Variants in ST6GALNAC3 observed in about 807,000 individuals in gnomAD.
ST6GALNAC3 encodes the protein alpha-N-acetylgalactosaminide alpha-2,6-sialyltransferase 3.
ST6GALNAC3 carries 25 observed loss-of-function variants against 32.7 expected under a neutral mutation model. The observed-to-expected ratio is 0.76, with a 90% CI of 0.56 to 1.07. The LOEUF (loss-of-function observed/expected upper bound fraction) is 1.07. ST6GALNAC3 is among the 50% of genes least tolerant of loss of function. The pLI, the probability that ST6GALNAC3 is intolerant of heterozygous loss-of-function variation, is 0.00. For synonymous variants in ST6GALNAC3, 129 were observed against 133.1 expected (o/e 0.97, Z 0.21); for missense variants, 355 against 382.4 (o/e 0.93, Z 0.60).
chr1:76,350,117 T>A (rs995830779), intron 2 of ST6GALNAC3, among the ~76,000 whole-genome samples: 4 of 152,210 alleles, frequency 2.6e-5, no homozygotes, highest in Non-Finnish European at 4.4e-5. Context: ...ACATTTCTGT[T>A]GGTTTTTTTT....
intron 1 of ST6GALNAC3, among the ~76,000 whole-genome samples, chr1:76,115,110 C>A: frequency 6.6e-6 from 1 of 152,128 alleles, no homozygotes; most frequent in Middle Eastern, 3.4e-3. Flanking sequence ...TGTTGTCTGT[C>A]CTTCAGAATT....
chr1:76,557,062 T>TAG (rs58452867), intron 3 of ST6GALNAC3, among the ~76,000 whole-genome samples: 23,569 of 151,830 alleles, frequency 0.16, 1,920 homozygotes, highest in Middle Eastern at 0.21. Flanking sequence ...GTGAGGAAGG[T>TAG]GTCTAACTTC....
At chr1:76,135,115 C>G (rs1193373004) in intron 1 of ST6GALNAC3, among the ~76,000 whole-genome samples, 1 of 151,660 alleles carries the variant, frequency 6.6e-6, no homozygotes. Flanking sequence ...GAACTCTAGC[C>G]TGGGCAATAG....
chr1:76,106,557 G>A (rs1042822137), intron 1 of ST6GALNAC3, among the ~76,000 whole-genome samples: 5 of 152,196 alleles, frequency 3.3e-5, no homozygotes, highest in African/African-American at 1.2e-4. Flanking sequence ...AATGCTTTGT[G>A]TAGGAATTGG....
At chr1:76,474,365 G>T (rs1323368515) in intron 3 of ST6GALNAC3, among the ~76,000 whole-genome samples, 1 of 152,170 alleles carries the variant, frequency 6.6e-6, no homozygotes, top group Non-Finnish European at 1.5e-5. Flanking sequence ...TGGGAGAGCA[G>T]TAGGTGGCAA....
intron 1 of ST6GALNAC3, among the ~76,000 whole-genome samples, chr1:76,191,401 G>A (rs1382007442): frequency 1.3e-5 from 2 of 152,130 alleles, no homozygotes; most frequent in Non-Finnish European, 2.9e-5. Flanking sequence ...ATGGGGAGAG[G>A]ATGGTCAACA....
intron 1 of ST6GALNAC3, among the ~76,000 whole-genome samples, chr1:76,195,253 C>T (rs765408780): frequency 3.3e-5 from 5 of 152,154 alleles, no homozygotes; most frequent in Non-Finnish European, 7.3e-5. Flanking sequence ...ATATAAATAA[C>T]TTTACTTGGT....
intron 1 of ST6GALNAC3, among the ~76,000 whole-genome samples, chr1:76,180,923 C>T (rs867779514): frequency 8.5e-5 from 13 of 152,344 alleles, no homozygotes; most frequent in Middle Eastern, 3.4e-3. Context: ...AAAGGTGTCA[C>T]GCTGGCCCTC....
At chr1:76,464,766 C>G (rs1272193406) in intron 3 of ST6GALNAC3, among the ~76,000 whole-genome samples, 1 of 152,146 alleles carries the variant, frequency 6.6e-6, no homozygotes, top group Non-Finnish European at 1.5e-5. Context: ...CGAGGTCATT[C>G]TTAATTCCAC....
chr1:76,361,989 A>ATAAT (rs1553184755), intron 2 of ST6GALNAC3, among the ~76,000 whole-genome samples: 4 of 148,090 alleles, frequency 2.7e-5, no homozygotes, highest in Non-Finnish European at 6.0e-5. Context: ...AAAAAAAAAA[A>ATAAT]AAAAGAGAGA....
chr1:76,412,139 TGAA>T lies in ST6GALNAC3; in HGVS notation c.351_353del (p.Glu117del), dbSNP rs774015203. The T allele has an allele frequency of 3.7e-6, 6 of 1,613,760 alleles. No individual in the cohort carries two copies. Among genetic ancestry groups the T allele is most frequent in the Non-Finnish European group, 5.1e-6 (6 of 1,179,816 alleles). ...TGAACAATGCCCCCACCAAAGGTTA[TGAA>T]GAAGATGTCGGCCGCATGACCATGA... On this transcript the variant is annotated inframe_deletion, in exon 3 of 5. Transcript: ENST00000328299.
At chr1:76,418,738 A>G (rs769938396) in intron 3 of ST6GALNAC3, among the ~76,000 whole-genome samples, 1 of 152,090 alleles carries the variant, frequency 6.6e-6, no homozygotes, top group Non-Finnish European at 1.5e-5. Flanking sequence ...GGCAGGAACA[A>G]AAAGTTCATG....
intron 1 of ST6GALNAC3, among the ~76,000 whole-genome samples, chr1:76,115,166 A>G (rs1318939843): frequency 2.0e-5 from 3 of 152,208 alleles, no homozygotes; most frequent in Non-Finnish European, 4.4e-5. Context: ...CTGCTACTAT[A>G]GGATCCCTTG....
chr1:76,429,533 C>T (rs1655611438), intron 3 of ST6GALNAC3, among the ~76,000 whole-genome samples: 1 of 152,100 alleles, frequency 6.6e-6, no homozygotes, highest in Non-Finnish European at 1.5e-5. Flanking sequence ...ATCATCCAGA[C>T]TTTTATTTTT....
chr1:76,614,673 G>A (rs1467330566), intron 3 of ST6GALNAC3, among the ~76,000 whole-genome samples: 4 of 133,676 alleles, frequency 3.0e-5, no homozygotes, highest in Non-Finnish European at 6.1e-5. Context: ...GAGCAGAGAT[G>A]GCGCCACTGC....
At chr1:76,294,639 G>A (rs1264783558) in intron 1 of ST6GALNAC3, among the ~76,000 whole-genome samples, 2 of 151,946 alleles carry the variant, frequency 1.3e-5, no homozygotes, top group Non-Finnish European at 2.9e-5. Context: ...TTTCTGGGCG[G>A]TAAAAGGCAG....
At chr1:76,300,028 A>T (rs1487274460) in intron 1 of ST6GALNAC3, among the ~76,000 whole-genome samples, 1 of 152,030 alleles carries the variant, frequency 6.6e-6, no homozygotes, top group Non-Finnish European at 1.5e-5. Context: ...GCGCTAACCT[A>T]TCAGTGTTCA....
intron 3 of ST6GALNAC3, among the ~76,000 whole-genome samples, chr1:76,452,010 A>G (rs1223388930): frequency 6.6e-6 from 1 of 152,172 alleles, no homozygotes; most frequent in African/African-American, 2.4e-5. Context: ...TTCAAGGGAA[A>G]TGCTTTCAAC....
At chr1:76,446,425 T>C (rs1215247764) in intron 3 of ST6GALNAC3, among the ~76,000 whole-genome samples, 1 of 152,220 alleles carries the variant, frequency 6.6e-6, no homozygotes, top group Non-Finnish European at 1.5e-5. Flanking sequence ...GTCACATGTA[T>C]CAATATTATA....
Sources: gnomAD v4.1 joint callset for allele counts (sites outside exome capture counted in the v4.1 genomes callset) on GRCh38, gnomAD v4.1.1 for gene constraint, MANE v1.5 for transcripts, NCBI Gene and HGNC (gene_info 2026-07-23, HGNC 2026-07-21) for gene names.